The following DPP6 variants were observed in gnomAD, a reference collection of about 807,000 sequenced individuals.
DPP6 encodes dipeptidyl peptidase like 6.
DPP6 carries 69 observed loss-of-function variants against 122.6 expected under a neutral mutation model. The observed-to-expected ratio is 0.56, with a 90% confidence interval of 0.46 to 0.69. The LOEUF (loss-of-function observed/expected upper bound fraction) is 0.69. Ranked by LOEUF, DPP6 falls within the 30% of genes least tolerant of loss-of-function variation. The pLI, the probability that DPP6 is intolerant of heterozygous loss-of-function variation, is 0.00. For missense variants in DPP6, 928 were observed against 1,116.9 expected (o/e 0.83, Z 2.41); for synonymous variants, 418 against 433.1 (o/e 0.97, Z 0.43).
At chr7:154,880,965 T>C in intron 21 of DPP6, 23 bp downstream of exon 21, 3 of 1,613,384 alleles carry the variant, frequency 1.9e-6, no homozygotes, top group Non-Finnish European at 2.5e-6. Context: ...CACCCTGGTC[T>C]GAAAACCCCT....
At chr7:154,172,372 G>T (rs997543682) in intron 1 of DPP6, among the ~76,000 whole-genome samples, 36 of 152,290 alleles carry the variant, frequency 2.4e-4, no homozygotes, top group African/African-American at 8.7e-4. Flanking sequence ...TGAGCAGCCT[G>T]CCCCGCCTCC....
chr7:154,711,166 G>A (rs1841154827), intron 7 of DPP6, among the ~76,000 whole-genome samples: 1 of 152,228 alleles, frequency 6.6e-6, no homozygotes, highest in African/African-American at 2.4e-5. Context: ...GATAATTGAA[G>A]TTTTTAATTG....
At chr7:154,130,431 C>A (rs969353560) in intron 1 of DPP6, among the ~76,000 whole-genome samples, 1 of 152,128 alleles carries the variant, frequency 6.6e-6, no homozygotes, top group African/African-American at 2.4e-5. Context: ...ACACTATCTA[C>A]CCTGATTTCA....
chr7:154,827,397 C>T (rs869747), intron 16 of DPP6, among the ~76,000 whole-genome samples: 119,196 of 151,578 alleles, frequency 0.79, 47,033 homozygotes, highest in Non-Finnish European at 0.82. Context: ...TGGGTGAAGA[C>T]AGGTGGGCAT....
chr7:154,132,707 A>C (rs1026637702), intron 1 of DPP6, among the ~76,000 whole-genome samples: 15 of 151,978 alleles, frequency 9.9e-5, no homozygotes, highest in African/African-American at 3.6e-4. Context: ...TAACATCCCT[A>C]TTCCTTATTC....
chr7:154,319,690 T>A (rs1807755473), intron 1 of DPP6, among the ~76,000 whole-genome samples: 1 of 149,746 alleles, frequency 6.7e-6, no homozygotes, highest in Non-Finnish European at 1.5e-5. Context: ...AGTGAGACTT[T>A]GTCTCAAAAA....
chr7:154,784,693 T>C (rs918691399), intron 10 of DPP6, among the ~76,000 whole-genome samples: 1 of 152,106 alleles, frequency 6.6e-6, no homozygotes, highest in East Asian at 1.9e-4. Flanking sequence ...CAGGCAGGGG[T>C]GACTCTGGAG....
At chr7:153,975,764 CA>C (rs1371285199) in intron 1 of DPP6, among the ~76,000 whole-genome samples, 1 of 152,068 alleles carries the variant, frequency 6.6e-6, no homozygotes. Flanking sequence ...GAAAATATGA[CA>C]AAAGCAATAT....
intron 17 of DPP6, among the ~76,000 whole-genome samples, chr7:154,857,681 A>G (rs1161540490): frequency 6.6e-6 from 1 of 152,224 alleles, no homozygotes; most frequent in East Asian, 1.9e-4. Context: ...CCAGGCCCCC[A>G]GTTCCAGCAG....
At chr7:154,675,099 G>T (rs543483072) in intron 7 of DPP6, among the ~76,000 whole-genome samples, 1 of 152,190 alleles carries the variant, frequency 6.6e-6, no homozygotes, top group East Asian at 1.9e-4. Context: ...CAATAAATCC[G>T]CATTTAAATT....
At position 154,607,518 on chromosome 7, in the gene DPP6, C is replaced by G. The variant is rs1242580898; in HGVS notation, c.628-30303C>G. On this transcript the variant is annotated intron_variant, in intron 5 of 25. Coordinates refer to ENST00000377770, the MANE Select transcript of DPP6 (RefSeq NM_130797.4). ...CAGAGCTTGCAGTGAGCCGAGATCG[C>G]GCCACTGCACTCCAGCCTGGGCGAC... is the stretch of plus-strand genomic sequence containing the variant. Among the ~76,000 whole-genome samples the G allele has an allele frequency of 2.2e-5, 2 of 92,762 alleles. 1 individual carries two copies. The highest frequency in any genetic ancestry group is 1.0e-3 in the East Asian group (2 of 1,914). The allele number at this position is 92,762 out of a possible 152,430, so 60.9% of individuals were successfully genotyped here. A position where few individuals can be genotyped will look rare whatever the true frequency, so the allele number is the denominator to read the frequency against.
intron 3 of DPP6, among the ~76,000 whole-genome samples, chr7:154,501,442 G>GC (rs1395736243): frequency 6.6e-6 from 1 of 152,178 alleles, no homozygotes; most frequent in East Asian, 1.9e-4. Flanking sequence ...GGTGGACTGG[G>GC]CCCAGGGTTC....
chr7:154,639,920 G>A (rs34477491), intron 6 of DPP6, among the ~76,000 whole-genome samples: 21,482 of 152,112 alleles, frequency 0.14, 1,812 homozygotes, highest in East Asian at 0.2. Flanking sequence ...CCTAGCTACT[G>A]TATGCTTGAG....
intron 17 of DPP6, among the ~76,000 whole-genome samples, chr7:154,864,650 C>T (rs1378716783): frequency 6.6e-6 from 1 of 152,248 alleles, no homozygotes; most frequent in Non-Finnish European, 1.5e-5. Context: ...CCCTGTGGGA[C>T]AGTCAGCTCT....
the DPP6 span, among the ~76,000 whole-genome samples, chr7:153,808,369 A>ATGTGTGCCTGTG: frequency 7.5e-6 from 1 of 132,850 alleles, no homozygotes; most frequent in African/African-American, 2.9e-5. Context: ...GCATGCCTGT[A>ATGTGTGCCTGTG]TGTGTGCCTG....
At chr7:154,798,357 A>G (rs1798165992) in intron 12 of DPP6, among the ~76,000 whole-genome samples, 1 of 152,200 alleles carries the variant, frequency 6.6e-6, no homozygotes, top group Non-Finnish European at 1.5e-5. Flanking sequence ...CAGCTACTAA[A>G]GTGTGGGGTA....
intron 17 of DPP6, among the ~76,000 whole-genome samples, chr7:154,867,185 G>A (rs572532401): frequency 2.6e-4 from 39 of 152,308 alleles, no homozygotes; most frequent in African/African-American, 7.9e-4. Context: ...TGTAGGCTTA[G>A]TGTGAGAAGG....
chr7:154,520,639 A>T (rs1826896990), intron 3 of DPP6, among the ~76,000 whole-genome samples: 1 of 152,220 alleles, frequency 6.6e-6, no homozygotes, highest in Non-Finnish European at 1.5e-5. Context: ...TTTCTCAGGG[A>T]TGCATAGATA....
intron 3 of DPP6, among the ~76,000 whole-genome samples, chr7:154,522,686 A>G (rs1417492715): frequency 7.1e-6 from 1 of 141,406 alleles, no homozygotes; most frequent in Admixed American, 6.9e-5. Flanking sequence ...AAAGCAGAAA[A>G]CCCAGACACG....
Sources: gnomAD v4.1 joint callset for allele counts (sites outside exome capture counted in the v4.1 genomes callset) on GRCh38, gnomAD v4.1.1 for gene constraint, MANE v1.5 for transcripts, NCBI Gene and HGNC (gene_info 2026-07-23, HGNC 2026-07-21) for gene names.